The following CEP85L variants were observed in gnomAD, a reference collection of about 807,000 sequenced individuals.
The protein encoded by CEP85L is centrosomal protein of 85 kDa-like.
Under a neutral mutation model 100.3 loss-of-function variants are expected in CEP85L, and 60 were observed. The observed-to-expected ratio is 0.60, with a 90% CI of 0.49 to 0.74. The LOEUF (loss-of-function observed/expected upper bound fraction) is 0.74. Ranked by LOEUF, CEP85L falls within the 30% of genes least tolerant of loss-of-function variation. The probability of loss-of-function intolerance (pLI) is 0.00; values close to 1 mark genes in which losing one functional copy is unlikely to be tolerated. For missense variants in CEP85L, 973 were observed against 936.2 expected (o/e 1.04, Z -0.51); for synonymous variants, 319 against 322.7 (o/e 0.99, Z 0.12).
In CEP85L at chr6:118,707,364, T is replaced by G. The variant is rs150324539; in HGVS notation, c.-28+2672A>C. Reference sequence around the variant, plus strand: ...GTGTGCCACCATGCCCAGCTAATTTTTGTATTTTTTGTAGAGATAAAATTT... The same window carrying G: ...GTGTGCCACCATGCCCAGCTAATTTGTGTATTTTTTGTAGAGATAAAATTT... On this transcript the variant is annotated intron_variant, in intron 1 of 13. Coordinates refer to the CEP85L transcript ENST00000368488. 2.6e-5 allele frequency among the ~76,000 whole-genome samples: 4 copies of G among 152,144 alleles called. No individual in the cohort carries two copies. The East Asian group carries it at 7.7e-4, about 29-fold the overall frequency.
intron 3 of CEP85L, chr6:118,548,186 T>G (rs1277588682): frequency 6.6e-6 from 1 of 152,126 alleles, no homozygotes; most frequent in Non-Finnish European, 1.5e-5. Context: ...AAAGTTTGGT[T>G]GTGATAAGAC....
chr6:118,614,926 G>T (rs546829936), intron 2 of CEP85L, among the ~76,000 whole-genome samples: 46 of 151,968 alleles, frequency 3.0e-4, no homozygotes, highest in African/African-American at 1.1e-3. Context: ...AAAAGCAAAT[G>T]TATTTCTATA....
At chr6:118,556,039 T>C (rs945397748) in intron 3 of CEP85L, among the ~76,000 whole-genome samples, 15 of 152,238 alleles carry the variant, frequency 9.9e-5, no homozygotes, top group Admixed American at 9.2e-4. Context: ...ATTTTCTTTA[T>C]CCAGTCTGTC....
At chr6:118,581,574 C>T (rs1780580073) in intron 2 of CEP85L, among the ~76,000 whole-genome samples, 1 of 152,034 alleles carries the variant, frequency 6.6e-6, no homozygotes, top group Admixed American at 6.6e-5. Flanking sequence ...ACACCTACAG[C>T]CACAGGCGGC....
chr6:118,621,944 A>G (rs1338951936), intron 2 of CEP85L, among the ~76,000 whole-genome samples: 2 of 152,188 alleles, frequency 1.3e-5, no homozygotes, highest in Non-Finnish European at 2.9e-5. Flanking sequence ...AGCCTTCAAA[A>G]CTTTATAACA....
At chr6:118,676,972 T>C (rs1199054637) in intron 1 of CEP85L, among the ~76,000 whole-genome samples, 2 of 152,246 alleles carry the variant, frequency 1.3e-5, no homozygotes, top group East Asian at 3.8e-4. Flanking sequence ...CATTTCTCTG[T>C]TGACGATATG....
intron 2 of CEP85L, among the ~76,000 whole-genome samples, chr6:118,631,141 T>C (rs1255797143): frequency 6.6e-6 from 1 of 152,126 alleles, no homozygotes; most frequent in Non-Finnish European, 1.5e-5. Flanking sequence ...ATAATGACAT[T>C]GGAGGAGGCT....
chr6:118,516,521 T>C (rs898400118), intron 4 of CEP85L, among the ~76,000 whole-genome samples: 1 of 152,244 alleles, frequency 6.6e-6, no homozygotes. Flanking sequence ...GAGCTTTTTT[T>C]CACGTTTGTT....
intron 2 of CEP85L, among the ~76,000 whole-genome samples, chr6:118,615,130 C>T (rs1004166126): frequency 6.6e-6 from 1 of 152,082 alleles, no homozygotes; most frequent in Non-Finnish European, 1.5e-5. Context: ...ATACCATGTT[C>T]ATAGACTGGA....
chr6:118,538,371 G>GA (rs1214234553), intron 3 of CEP85L, among the ~76,000 whole-genome samples: 1 of 151,472 alleles, frequency 6.6e-6, no homozygotes. Flanking sequence ...AAAAGACCCT[G>GA]AAAAAATGAT....
intron 10 of CEP85L, among the ~76,000 whole-genome samples, chr6:118,478,937 C>G (rs1203623214): frequency 6.6e-6 from 1 of 152,050 alleles, no homozygotes; most frequent in African/African-American, 2.4e-5. Flanking sequence ...GTTTCAATGC[C>G]AAAGTTCAAG....
chr6:118,467,013 C>G (rs892666127), intron 12 of CEP85L, among the ~76,000 whole-genome samples: 1 of 152,040 alleles, frequency 6.6e-6, no homozygotes, highest in African/African-American at 2.4e-5. Flanking sequence ...AAGGAAAAAG[C>G]AGAGTGGAGA....
intron 1 of CEP85L, among the ~76,000 whole-genome samples, chr6:118,635,085 T>C (rs1208926133): frequency 2.6e-5 from 4 of 152,182 alleles, no homozygotes; most frequent in South Asian, 4.1e-4. Context: ...AAGGGCAAAC[T>C]GGAAAGTGGT....
intron 2 of CEP85L, among the ~76,000 whole-genome samples, chr6:118,614,065 C>T (rs996419950): frequency 7.2e-5 from 11 of 152,000 alleles, no homozygotes; most frequent in East Asian, 1.9e-4. Context: ...ATAAAAAGTT[C>T]GTTAAACATT....
At chr6:118,695,449 C>A (rs1777174191) in intron 1 of CEP85L, among the ~76,000 whole-genome samples, 1 of 152,148 alleles carries the variant, frequency 6.6e-6, no homozygotes, top group African/African-American at 2.4e-5. Context: ...CTTTAACATG[C>A]ACCAATACTT....
intron 5 of CEP85L, among the ~76,000 whole-genome samples, chr6:118,494,918 A>C (rs1423069132): frequency 6.6e-6 from 1 of 152,168 alleles, no homozygotes; most frequent in Non-Finnish European, 1.5e-5. Context: ...TATGATAGAA[A>C]ATGTAGACAG....
intron 1 of CEP85L, among the ~76,000 whole-genome samples, chr6:118,684,409 A>G (rs148866674): frequency 2.6e-5 from 4 of 152,266 alleles, no homozygotes; most frequent in Admixed American, 1.3e-4. Context: ...AACTGGGAGG[A>G]TGGCTTGAGC....
At chr6:118,598,367 A>T (rs1358732582) in intron 2 of CEP85L, among the ~76,000 whole-genome samples, 2 of 152,228 alleles carry the variant, frequency 1.3e-5, no homozygotes, top group Admixed American at 1.3e-4. Context: ...CCATAAAAAT[A>T]CATTAAAATT....
At chr6:118,595,896 T>C (rs1055448133) in intron 2 of CEP85L, among the ~76,000 whole-genome samples, 94 of 152,118 alleles carry the variant, frequency 6.2e-4, no homozygotes, top group African/African-American at 2.2e-3. Context: ...CCAAGCCAAA[T>C]AGTAATAGTA....
Sources: allele counts gnomAD v4.1 joint callset (sites outside exome capture counted in the v4.1 genomes callset), GRCh38; gene constraint gnomAD v4.1.1; transcripts MANE v1.5; gene names NCBI Gene and HGNC (gene_info 2026-07-23, HGNC 2026-07-21).